The following MYO3A variants were observed in gnomAD, a reference collection of about 807,000 sequenced individuals.
MYO3A encodes the protein myosin-IIIa.
A neutral mutation model predicts 192.7 loss-of-function variants in MYO3A; 180 were observed. That is an observed-to-expected ratio of 0.93 (90% CI 0.83 to 1.06). The LOEUF (loss-of-function observed/expected upper bound fraction) is 1.06. MYO3A is among the 50% of genes least tolerant of loss of function. The probability of loss-of-function intolerance (pLI) is 0.00; values close to 1 mark genes in which losing one functional copy is unlikely to be tolerated. For missense variants in MYO3A, 1,896 were observed against 1,905.0 expected (o/e 1.00, Z 0.09); for synonymous variants, 628 against 645.3 (o/e 0.97, Z 0.41).
chr10:26,123,194 A>AT (rs1201026379), intron 18 of MYO3A, among the ~76,000 whole-genome samples: 1 of 152,218 alleles, frequency 6.6e-6, no homozygotes, highest in Non-Finnish European at 1.5e-5. Flanking sequence ...AAAAGCACAA[A>AT]TTATTTTCTT....
intron 23 of MYO3A, among the ~76,000 whole-genome samples, chr10:26,153,048 A>G (rs1840892975): frequency 6.6e-6 from 1 of 152,200 alleles, no homozygotes; most frequent in Non-Finnish European, 1.5e-5. Flanking sequence ...CATTTTGAAG[A>G]TATTTTGCAC....
At chr10:26,058,823 T>G (rs1044755563) in intron 10 of MYO3A, among the ~76,000 whole-genome samples, 1 of 152,228 alleles carries the variant, frequency 6.6e-6, no homozygotes, top group Non-Finnish European at 1.5e-5. Context: ...ATATTGAGTC[T>G]TCCTATCCAT....
intron 2 of MYO3A, among the ~76,000 whole-genome samples, chr10:25,946,244 G>T (rs1348221037): frequency 6.6e-6 from 1 of 152,046 alleles, no homozygotes; most frequent in African/African-American, 2.4e-5. Flanking sequence ...CAACCTAAAG[G>T]GCTTCATTTA....
intron 17 of MYO3A, among the ~76,000 whole-genome samples, chr10:26,102,788 A>G (rs936236564): frequency 3.9e-5 from 6 of 152,174 alleles, no homozygotes; most frequent in Non-Finnish European, 7.4e-5. Flanking sequence ...GCACCTGGCT[A>G]TATGAGGTGT....
intron 10 of MYO3A, among the ~76,000 whole-genome samples, chr10:26,039,867 A>G (rs906257268): frequency 1.3e-5 from 2 of 151,562 alleles, no homozygotes; most frequent in African/African-American, 4.8e-5. Context: ...CTTCTTTCCA[A>G]TTCATTTATT....
Position 26,173,856 on chromosome 10 carries a change from G to A in MYO3A, c.3592G>A (p.Glu1198Lys). 2.5e-6 allele frequency: 4 copies of A among 1,614,018 alleles called. No homozygotes were observed. The highest frequency in any genetic ancestry group is 3.4e-6 in the Non-Finnish European group (4 of 1,180,006). The change falls in exon 30 of 35, where the codon GAA becomes AAA. Residue 1198 changes from glutamate to lysine, a missense_variant. Physicochemically the swap from Glu to Lys is moderately conservative, Grantham distance 56. Transcript: ENST00000642920. ...TPKKMNNVYEEEVKQEFYLVG... is the reference protein window; with the variant it reads ...TPKKMNNVYEKEVKQEFYLVG... ...AAAAAAAATGAATAATGTGTATGAGGAAGAGGTTAAGCAAGAATTCTACCT... is the reference window on the plus strand; with the variant it reads ...AAAAAAAATGAATAATGTGTATGAGAAAGAGGTTAAGCAAGAATTCTACCT...
At chr10:26,078,948 G>A (rs906251342) in intron 14 of MYO3A, among the ~76,000 whole-genome samples, 2 of 152,158 alleles carry the variant, frequency 1.3e-5, no homozygotes, top group African/African-American at 4.8e-5. Context: ...CTATCTTGGA[G>A]AAAGTTCCAT....
At chr10:26,202,846 CAT>C (rs771766569) in intron 33 of MYO3A, 116 bp from the exon 34 acceptor site, 10 of 1,124,414 alleles carry the variant, frequency 8.9e-6, no homozygotes, top group Non-Finnish European at 1.3e-5. Context: ...TTTCTATTGA[CAT>C]GTGTATGTTA....
rs149521185 is a variant in MYO3A, at chr10:26,174,309, G to A, written c.4045G>A (p.Ala1349Thr). 2 of 1,614,114 alleles carry A rather than the reference G, an allele frequency of 1.2e-6. No individual in the cohort carries two copies. The highest frequency in any genetic ancestry group is 1.7e-6 in the Non-Finnish European group (2 of 1,179,988). Reference sequence around the variant, plus strand: ...ACAGGCCCAGGAGGAAGAAGATAAAGCAGCGGTATTCATTCAGAGCAAATA... The same window carrying A: ...ACAGGCCCAGGAGGAAGAAGATAAAACAGCGGTATTCATTCAGAGCAAATA... ...VTQAQEEEDKAAVFIQSKYRG... is the reference protein window; with the variant it reads ...VTQAQEEEDKTAVFIQSKYRG... Residue 1349 changes from alanine (A) to threonine (T), a missense_variant, in exon 30 of 35, where the codon GCA (alanine) becomes ACA (threonine). Transcript: ENST00000642920.
intron 31 of MYO3A, among the ~76,000 whole-genome samples, chr10:26,187,951 T>G (rs1842942539): frequency 6.6e-6 from 1 of 152,182 alleles, no homozygotes; most frequent in Non-Finnish European, 1.5e-5. Context: ...ACAATAAACA[T>G]ATGTGTGCAT....
intron 17 of MYO3A, among the ~76,000 whole-genome samples, chr10:26,113,763 C>A (rs1838336047): frequency 2.6e-5 from 4 of 152,112 alleles, no homozygotes; most frequent in African/African-American, 7.2e-5. Context: ...TTATTTCTGG[C>A]TGTGTGTCCA....
intron 10 of MYO3A, among the ~76,000 whole-genome samples, chr10:26,035,648 C>T (rs543987543): frequency 1.6e-4 from 24 of 152,224 alleles, no homozygotes; most frequent in African/African-American, 5.1e-4. Context: ...AACTAAATCC[C>T]AGAGAAATTG....
In MYO3A at chr10:26,170,425, G is replaced by A; in HGVS notation, c.3284G>A (p.Gly1095Glu). 1.9e-6 allele frequency: 3 copies of A among 1,613,312 alleles called. No homozygotes were observed. The highest frequency in any genetic ancestry group is 2.5e-6 in the Non-Finnish European group (3 of 1,179,588). Residue 1095 changes from glycine (G) to glutamate (E), a missense_variant, in exon 29 of 35, where the codon GGA becomes GAA. By Grantham distance (98) the Gly-to-Glu change is moderately conservative (BLOSUM62 -2). Transcript: ENST00000642920. ...GCTTTCTGTGTTTCAGCTGCAAGAGGACACCTTGTCAGGAAACAAAGAAAA... is the reference window on the plus strand; with the variant it reads ...GCTTTCTGTGTTTCAGCTGCAAGAGAACACCTTGTCAGGAAACAAAGAAAA... ...SAIIIQSAAR[G>E]HLVRKQRKEI...
intron 18 of MYO3A, among the ~76,000 whole-genome samples, chr10:26,122,700 C>CCTCCCT (rs1838948194): frequency 6.6e-6 from 1 of 152,066 alleles, no homozygotes; most frequent in African/African-American, 2.4e-5. Context: ...CTCTCCATCA[C>CCTCCCT]CTCCCTCTCC....
At chr10:26,122,160 T>G (rs1321471260) in intron 18 of MYO3A, among the ~76,000 whole-genome samples, 1 of 152,144 alleles carries the variant, frequency 6.6e-6, no homozygotes, top group African/African-American at 2.4e-5. Flanking sequence ...GCCAATGGAA[T>G]GAGTTGCAAT....
intron 4 of MYO3A, among the ~76,000 whole-genome samples, chr10:25,965,949 G>GTTTT (rs925416760): frequency 1.4e-5 from 2 of 145,416 alleles, no homozygotes; most frequent in African/African-American, 5.1e-5. Context: ...ATTCAGAACT[G>GTTTT]TTTTTTTTTT....
intron 10 of MYO3A, among the ~76,000 whole-genome samples, chr10:26,062,284 G>A (rs1191021608): frequency 1.3e-5 from 2 of 151,580 alleles, no homozygotes; most frequent in Non-Finnish European, 2.9e-5. Flanking sequence ...ATTTTGGGAG[G>A]CTGAGGTGGG....
chr10:25,990,557 AACATGCAGGT>A (rs1281567342), intron 4 of MYO3A, among the ~76,000 whole-genome samples: 1 of 151,976 alleles, frequency 6.6e-6, no homozygotes, highest in East Asian at 1.9e-4. Context: ...ACATGTGCAC[AACATGCAGGT>A]TTGTTACATA....
Position 26,176,784 on chromosome 10 carries a change from T to G in MYO3A, c.4377T>G (p.Tyr1459Ter). ...MILSQQLKSL[Y>*]LGVSHHKPIN... ...TGTCACAGCAACTGAAGTCACTTTATCTGGGTGTCTCGCACCATAAGCCAA... is the reference window on the plus strand; with the variant it reads ...TGTCACAGCAACTGAAGTCACTTTAGCTGGGTGTCTCGCACCATAAGCCAA... The change falls in exon 31 of 35, where the codon TAT (tyrosine) becomes TAG (stop). Residue 1459 changes from tyrosine to a stop codon, truncating the protein, a stop_gained. Transcript: ENST00000642920. LOFTEE classifies it high-confidence loss of function. The G allele has an allele frequency of 6.2e-7, 1 of 1,614,062 alleles. No individual in the cohort carries two copies. Among genetic ancestry groups the G allele is most frequent in the South Asian group, 1.1e-5 (1 of 91,088 alleles).
Sources: allele counts gnomAD v4.1 joint callset (sites outside exome capture counted in the v4.1 genomes callset), GRCh38; gene constraint gnomAD v4.1.1; transcripts MANE v1.5; gene names NCBI Gene and HGNC (gene_info 2026-07-23, HGNC 2026-07-21).